The following IFT140 variants were observed in gnomAD, a reference collection of about 807,000 sequenced individuals.
IFT140 encodes intraflagellar transport 140.
Under a neutral mutation model 164.6 loss-of-function variants are expected in IFT140, and 133 were observed. The ratio of observed to expected loss-of-function variants is 0.81; its 90% CI spans 0.70 to 0.93. The LOEUF is 0.93. IFT140 is among the 40% of genes least tolerant of loss of function. The pLI is 0.00. For synonymous variants in IFT140, 860 were observed against 817.3 expected (o/e 1.05, Z -0.89); for missense variants, 2,045 against 1,972.3 (o/e 1.04, Z -0.70).
chr16:1,557,007 C>A (rs771993209), intron 19 of IFT140, among the ~76,000 whole-genome samples: 1 of 151,952 alleles, frequency 6.6e-6, no homozygotes, highest in African/African-American at 2.4e-5. Flanking sequence ...GATGGGGGGG[C>A]GGTTCTCCAT....
Position 1,584,294 on chromosome 16 carries a change from T to G in IFT140, c.1282A>C (p.Asn428His). 1 of 1,613,908 alleles carries G rather than the reference T, an allele frequency of 6.2e-7. No individual in the cohort carries two copies. The highest frequency in any genetic ancestry group is 8.5e-7 in the Non-Finnish European group (1 of 1,180,024). Residue 428 changes from asparagine (N) to histidine (H), a missense_variant, in exon 11 of 31, where the codon AAT (asparagine) becomes CAT (histidine). Coordinates refer to ENST00000426508, the MANE Select transcript of IFT140 (RefSeq NM_014714.4). Reference sequence around the variant, plus strand: ...ACCCCCGTGGACAGGAAGCACACATTCAGCAGACTCGGGGAGACCTGCATG... The same window carrying G: ...ACCCCCGTGGACAGGAAGCACACATGCAGCAGACTCGGGGAGACCTGCATG... ...AAMQVSPSLL[N>H]VCFLSTGVAH... is the part of the protein sequence containing the mutation.
chr16:1,595,824 G>T (rs112685101), intron 4 of IFT140, among the ~76,000 whole-genome samples: 3,292 of 152,168 alleles, frequency 0.022, 117 homozygotes, highest in African/African-American at 0.074. Flanking sequence ...AGACCGAGGT[G>T]AACAGATCAC....
At chr16:1,608,631 C>CAAAAAAA (rs10675170) in intron 2 of IFT140, among the ~76,000 whole-genome samples, 1 of 83,716 alleles carries the variant, frequency 1.2e-5, no homozygotes, top group Non-Finnish European at 2.3e-5. Context: ...GACTCCGCCT[C>CAAAAAAA]AAAAAAAAAA....
intron 18 of IFT140, among the ~76,000 whole-genome samples, chr16:1,560,274 G>A (rs1349366194): frequency 2.0e-5 from 3 of 152,202 alleles, no homozygotes; most frequent in Non-Finnish European, 4.4e-5. Context: ...CTCCACCGCA[G>A]GGAACAGTGT....
At chr16:1,544,593 G>C (rs2031983465) in intron 19 of IFT140, among the ~76,000 whole-genome samples, 1 of 152,048 alleles carries the variant, frequency 6.6e-6, no homozygotes, top group Admixed American at 6.5e-5. Context: ...GCCTCCCAAA[G>C]TGCTGGAATT....
chr16:1,526,653 C>T lies in IFT140; in HGVS notation c.2543G>A (p.Arg848His), dbSNP rs746743309. The change falls in exon 20 of 31, where the codon CGC (arginine) becomes CAC (histidine). Residue 848 changes from arginine to histidine, a missense_variant. Arg to His is a conservative substitution (Grantham distance 29). Transcript: ENST00000426508. ...EAEQEPELEA[R>H]VAVLATQLGM... Reference sequence around the variant, plus strand: ...CAGCTGCGTGGCCAGCACGGCCACGCGGGCCTCTAGCTCCGGCTCCTGCTC... The same window carrying T: ...CAGCTGCGTGGCCAGCACGGCCACGTGGGCCTCTAGCTCCGGCTCCTGCTC... 1.4e-4 allele frequency: 215 copies of T among 1,580,124 alleles called. No homozygotes were observed. Among genetic ancestry groups the T allele is most frequent in the Non-Finnish European group, 1.8e-4 (209 of 1,169,448 alleles).
chr16:1,518,386 C>T, intron 29 of IFT140, 29 bp from the exon 30 acceptor site: 1 of 1,600,716 alleles, frequency 6.2e-7, no homozygotes, highest in Non-Finnish European at 8.5e-7. Flanking sequence ...AGGCCTGGGC[C>T]CCGAAGCCCT....
chr16:1,513,987 T>C (rs1482559618), intron 30 of IFT140, among the ~76,000 whole-genome samples: 1 of 151,774 alleles, frequency 6.6e-6, no homozygotes, highest in East Asian at 2.0e-4. Flanking sequence ...CTCACAACTT[T>C]CTGCCTCAGG....
At chr16:1,544,376 G>A (rs1260686746) in intron 19 of IFT140, among the ~76,000 whole-genome samples, 4 of 151,916 alleles carry the variant, frequency 2.6e-5, no homozygotes, top group Admixed American at 6.6e-5. Flanking sequence ...TAGTAGAGAT[G>A]GGGTTTCACT....
In IFT140 at chr16:1,523,710, C is replaced by G; in HGVS notation, c.3271-10G>C. ...TGGAGAAGTGGCCAGCCTGCGGATACGGTGGGCTCTGAGCAGCTGCCCGAG... is the reference window on the plus strand; with the variant it reads ...TGGAGAAGTGGCCAGCCTGCGGATAGGGTGGGCTCTGAGCAGCTGCCCGAG... On this transcript the variant is annotated splice_polypyrimidine_tract_variant and intron_variant, in intron 25 of 30. Transcript: ENST00000426508. The G allele has an allele frequency of 6.2e-7, 1 of 1,612,140 alleles. No homozygotes were observed. Among genetic ancestry groups the G allele is most frequent in the Non-Finnish European group, 8.5e-7 (1 of 1,179,232 alleles).
At chr16:1,539,820 T>C (rs2031457142) in intron 19 of IFT140, among the ~76,000 whole-genome samples, 1 of 152,198 alleles carries the variant, frequency 6.6e-6, no homozygotes, top group African/African-American at 2.4e-5. Context: ...GGAAGGCTCA[T>C]GGTGCCATGT....
intron 10 of IFT140, among the ~76,000 whole-genome samples, chr16:1,585,690 T>C (rs995037233): frequency 1.3e-5 from 2 of 152,144 alleles, no homozygotes; most frequent in African/African-American, 2.4e-5. Flanking sequence ...AAATGTCTTA[T>C]TATTGTTATT....
intron 18 of IFT140, 89 bp downstream of exon 18, chr16:1,561,894 TCA>T: frequency 7.4e-6 from 10 of 1,342,738 alleles, no homozygotes; most frequent in Non-Finnish European, 9.9e-6. Context: ...GAGGGCTAAC[TCA>T]CATTTCAGCT....
At chr16:1,579,736 G>A (rs780913671) in intron 13 of IFT140, among the ~76,000 whole-genome samples, 1 of 152,158 alleles carries the variant, frequency 6.6e-6, no homozygotes, top group Non-Finnish European at 1.5e-5. Context: ...GGAGGCCAAG[G>A]TAGGCAGATC....
intron 19 of IFT140, among the ~76,000 whole-genome samples, chr16:1,529,877 G>T (rs1406182012): frequency 6.6e-6 from 1 of 152,306 alleles, no homozygotes; most frequent in East Asian, 1.9e-4. Context: ...AATGATGCAC[G>T]TGGAGTGCAG....
intron 11 of IFT140, 56 bp from the exon 12 acceptor site, chr16:1,583,442 T>C: frequency 3.5e-6 from 5 of 1,418,688 alleles, no homozygotes; most frequent in Non-Finnish European, 5.0e-6. Context: ...GGTGCAACTG[T>C]ACACCCCACT....
chr16:1,554,241 GAA>G, intron 19 of IFT140: 1 of 681,672 alleles, frequency 1.5e-6, no homozygotes, highest in South Asian at 1.8e-5. Flanking sequence ...CCAAGAGCAA[GAA>G]AACTGTCAGA....
intron 19 of IFT140, among the ~76,000 whole-genome samples, chr16:1,542,555 C>T (rs903404897): frequency 6.6e-5 from 10 of 152,240 alleles, no homozygotes; most frequent in African/African-American, 2.4e-4. Context: ...AAGGCCAAGG[C>T]ATGTGCTCTG....
At chr16:1,561,187 C>T (rs575701853) in intron 18 of IFT140, among the ~76,000 whole-genome samples, 5 of 152,344 alleles carry the variant, frequency 3.3e-5, no homozygotes, top group African/African-American at 1.2e-4. Context: ...TCTCTCAGAG[C>T]CAGGCACTCC....
Sources: allele counts gnomAD v4.1 joint callset (sites outside exome capture counted in the v4.1 genomes callset), GRCh38; gene constraint gnomAD v4.1.1; transcripts MANE v1.5; gene names NCBI Gene and HGNC (gene_info 2026-07-23, HGNC 2026-07-21).